Variants in RASGRF2 observed in about 807,000 individuals in gnomAD.
RASGRF2 encodes Ras protein specific guanine nucleotide releasing factor 2.
RASGRF2 carries 76 observed loss-of-function variants against 151.0 expected under a neutral mutation model. The observed-to-expected ratio is 0.50, with a 90% CI of 0.42 to 0.61. The LOEUF (loss-of-function observed/expected upper bound fraction) is 0.61. RASGRF2 is among the 20% of genes least tolerant of loss of function. RASGRF2 has a pLI of 0.00. For missense variants in RASGRF2, 1,148 were observed against 1,564.6 expected (o/e 0.73, Z 4.49); for synonymous variants, 504 against 566.5 (o/e 0.89, Z 1.57).
chr5:81,151,680 C>T (rs1458457552), intron 17 of RASGRF2, among the ~76,000 whole-genome samples: 1 of 152,124 alleles, frequency 6.6e-6, no homozygotes. Context: ...CTTAAGAGTT[C>T]TTTGAGACTT....
At chr5:81,197,182 C>T (rs1175763403) in intron 18 of RASGRF2, among the ~76,000 whole-genome samples, 30 of 152,130 alleles carry the variant, frequency 2.0e-4, no homozygotes, top group Admixed American at 1.5e-3. Context: ...ATTGGCCGGG[C>T]GCGGTGGCTC....
intron 17 of RASGRF2, among the ~76,000 whole-genome samples, chr5:81,151,221 C>T (rs953704336): frequency 6.6e-6 from 1 of 152,156 alleles, no homozygotes; most frequent in Non-Finnish European, 1.5e-5. Flanking sequence ...GCCCTCTGGC[C>T]TCTGGAGAGG....
At chr5:81,126,551 A>G (rs964077003) in intron 16 of RASGRF2, among the ~76,000 whole-genome samples, 1 of 152,006 alleles carries the variant, frequency 6.6e-6, no homozygotes, top group African/African-American at 2.4e-5. Flanking sequence ...ATTAGCGGTC[A>G]CTCTCCATTC....
intron 12 of RASGRF2, among the ~76,000 whole-genome samples, chr5:81,100,664 T>G (rs1033727215): frequency 6.6e-6 from 1 of 152,250 alleles, no homozygotes; most frequent in Admixed American, 6.5e-5. Flanking sequence ...AGATCCACTG[T>G]AATTATGGCT....
chr5:81,032,730 C>CCTT (rs748505066), intron 1 of RASGRF2, among the ~76,000 whole-genome samples: 12,326 of 152,136 alleles, frequency 0.081, 720 homozygotes, highest in East Asian at 0.16. Context: ...CCTTTGAAAA[C>CCTT]TGGCACAAGA....
In RASGRF2 at chr5:81,051,907, A is replaced by G. The variant is rs899501887; in HGVS notation, c.395+8924A>G. Among the ~76,000 whole-genome samples, 5 of 152,226 alleles carry G rather than the reference A, an allele frequency of 3.3e-5. No individual in the cohort carries two copies. The South Asian group carries it at 8.3e-4, about 25-fold the overall frequency. ...TTGAGGAGATGCCAAACTGTTTTCT[A>G]CAGTGGCTGCACCATTTTACATTCC... On this transcript the variant is annotated intron_variant, in intron 2 of 26. Transcript: ENST00000265080.
chr5:81,105,670 C>T (rs1373422452), intron 12 of RASGRF2, among the ~76,000 whole-genome samples: 2 of 152,200 alleles, frequency 1.3e-5, no homozygotes, highest in Non-Finnish European at 2.9e-5. Flanking sequence ...AAGGGGCTTC[C>T]TCAGTGTGAT....
chr5:81,080,917 G>C, intron 7 of RASGRF2, 128 bp downstream of exon 7: 1 of 769,248 alleles, frequency 1.3e-6, no homozygotes, highest in Non-Finnish European at 2.1e-6. Flanking sequence ...ACCATCTGTT[G>C]CTGTCTTGAG....
intron 2 of RASGRF2, among the ~76,000 whole-genome samples, chr5:81,061,072 A>G (rs1561585009): frequency 6.6e-6 from 1 of 152,104 alleles, no homozygotes; most frequent in East Asian, 1.9e-4. Flanking sequence ...TTATTTATCA[A>G]TAAATCTTGG....
intron 15 of RASGRF2, 39 bp downstream of exon 15, chr5:81,113,959 T>G (rs559521962): frequency 6.4e-7 from 1 of 1,573,000 alleles, no homozygotes; most frequent in South Asian, 1.2e-5. Flanking sequence ...ACCCCACATT[T>G]GCTGGCCGCC....
intron 2 of RASGRF2, among the ~76,000 whole-genome samples, chr5:81,050,247 C>T (rs1750969159): frequency 6.6e-6 from 1 of 152,172 alleles, no homozygotes; most frequent in African/African-American, 2.4e-5. Flanking sequence ...TCCTTCCCAT[C>T]GATTCTCTAC....
chr5:81,125,895 G>A (rs1456473617), intron 16 of RASGRF2, among the ~76,000 whole-genome samples: 1 of 152,238 alleles, frequency 6.6e-6, no homozygotes, highest in Non-Finnish European at 1.5e-5. Context: ...AACAAGGACA[G>A]CATCACATAT....
At position 80,969,815 on chromosome 5, in the gene RASGRF2, C is replaced by CTTTTT. The variant is rs10584906; in HGVS notation, c.288+8813_288+8817dup. On this transcript the variant is annotated intron_variant, in intron 1 of 26. Transcript: ENST00000265080. Reference sequence around the variant, plus strand: ...ACAGATGCCAATAATACTTCTTCTTCTTTTTTTTTTTTTTTTTTTTTTTTT... The same window carrying CTTTTT: ...ACAGATGCCAATAATACTTCTTCTTCTTTTTTTTTTTTTTTTTTTTTTTTTTTTTT... 4.1e-3 allele frequency among the ~76,000 whole-genome samples: 316 copies of CTTTTT among 76,932 alleles called. 26 individuals carry two copies. The highest frequency in any genetic ancestry group is 0.011 in the African/African-American group (166 of 14,810). 50.5% of individuals were successfully genotyped at this position (76,932 alleles called of 152,430 possible).
At chr5:81,207,382 G>T in intron 21 of RASGRF2, 33 bp downstream of exon 21, 3 of 1,553,216 alleles carry the variant, frequency 1.9e-6, no homozygotes, top group Non-Finnish European at 2.7e-6. Context: ...GCAGGGCTCG[G>T]CTGCTCTAGC....
intron 12 of RASGRF2, 26 bp from the exon 13 acceptor site, chr5:81,108,970 G>T: frequency 1.9e-6 from 3 of 1,587,948 alleles, no homozygotes; most frequent in Non-Finnish European, 2.6e-6. Context: ...CATGTGGGTT[G>T]TAATTGTCAA....
chr5:80,967,630 C>T (rs1488805710), intron 1 of RASGRF2, among the ~76,000 whole-genome samples: 1 of 152,108 alleles, frequency 6.6e-6, no homozygotes, highest in African/African-American at 2.4e-5. Context: ...ATGCCTGATT[C>T]ATTTCCTGGA....
At chr5:81,213,453 C>T (rs1580411438) in intron 23 of RASGRF2, among the ~76,000 whole-genome samples, 2 of 152,300 alleles carry the variant, frequency 1.3e-5, no homozygotes, top group East Asian at 3.9e-4. Flanking sequence ...CTAACCCTCC[C>T]CTGCCTTGCT....
intron 1 of RASGRF2, among the ~76,000 whole-genome samples, chr5:81,037,429 C>CT (rs1054604361): frequency 4.6e-5 from 7 of 152,218 alleles, no homozygotes; most frequent in African/African-American, 1.7e-4. Context: ...ATTTCACATC[C>CT]TTTTTATGTG....
chr5:81,039,673 A>G (rs923794604), intron 1 of RASGRF2, among the ~76,000 whole-genome samples: 3 of 152,236 alleles, frequency 2.0e-5, no homozygotes, highest in African/African-American at 7.2e-5. Context: ...TAAAAGTAAT[A>G]CAACCATAGA....
Sources: allele counts gnomAD v4.1 joint callset (sites outside exome capture counted in the v4.1 genomes callset), GRCh38; gene constraint gnomAD v4.1.1; transcripts MANE v1.5; gene names NCBI Gene and HGNC (gene_info 2026-07-23, HGNC 2026-07-21).